The following ZNF407 variants were observed in gnomAD, a reference collection of about 807,000 sequenced individuals.
ZNF407 encodes zinc finger protein 407.
Under a neutral mutation model 131.2 loss-of-function variants are expected in ZNF407, and 17 were observed. That is an observed-to-expected ratio of 0.13 (90% confidence interval 0.09 to 0.19). ZNF407 has a LOEUF of 0.19. Ranked by LOEUF, ZNF407 falls within the 10% of genes least tolerant of loss-of-function variation. The probability of loss-of-function intolerance (pLI) is 1.00; values close to 1 mark genes in which losing one functional copy is unlikely to be tolerated. For missense variants in ZNF407, 2,681 were observed against 2,830.6 expected (o/e 0.95, Z 1.20); for synonymous variants, 1,156 against 1,062.0 (o/e 1.09, Z -1.72).
At chr18:74,861,799 TTTTA>T (rs1970941303) in intron 4 of ZNF407, among the ~76,000 whole-genome samples, 1 of 152,208 alleles carries the variant, frequency 6.6e-6, no homozygotes, top group African/African-American at 2.4e-5. Context: ...TAAAAAATAT[TTTTA>T]TTTCATTATT....
rs186922813 is a variant in ZNF407, at chr18:74,631,231, A to G, written c.212A>G (p.His71Arg). ...GTTATAGGAGAAGACAGAAATAAAC[A>G]TGCTTCCAAACGCAGGAAATTAGAT... ...SVVIGEDRNK[H>R]ASKRRKLDEA... The change falls in exon 2 of 9, where the codon CAT becomes CGT. Residue 71 changes from histidine to arginine, a missense_variant. Transcript: ENST00000299687. 7 of 1,613,996 alleles carry G rather than the reference A, an allele frequency of 4.3e-6. No homozygotes were observed. Among genetic ancestry groups the G allele is most frequent in the Non-Finnish European group, 5.9e-6 (7 of 1,179,882 alleles).
chr18:74,976,896 A>G (rs781406856), intron 8 of ZNF407, among the ~76,000 whole-genome samples: 1 of 145,568 alleles, frequency 6.9e-6, no homozygotes, highest in Non-Finnish European at 1.5e-5. Context: ...CCCCTGATCT[A>G]TGAGGAAAAC....
At chr18:74,834,570 T>G (rs1476508261) in intron 4 of ZNF407, among the ~76,000 whole-genome samples, 1 of 152,204 alleles carries the variant, frequency 6.6e-6, no homozygotes, top group Non-Finnish European at 1.5e-5. Context: ...AGGTCTTTCT[T>G]TGTCTTGCCA....
chr18:74,800,982 A>G (rs1970010363), intron 4 of ZNF407, among the ~76,000 whole-genome samples: 1 of 152,110 alleles, frequency 6.6e-6, no homozygotes, highest in Non-Finnish European at 1.5e-5. Flanking sequence ...ACTCTATAAA[A>G]TGTTTCAAAG....
At chr18:74,833,375 C>T (rs867335411) in intron 4 of ZNF407, among the ~76,000 whole-genome samples, 10 of 152,208 alleles carry the variant, frequency 6.6e-5, no homozygotes, top group Non-Finnish European at 8.8e-5. Flanking sequence ...GAGGTAATTT[C>T]ACTTAATCAA....
Position 74,631,958 on chromosome 18 carries a change from G to A in ZNF407, c.939G>A (p.Lys313=). The change falls in exon 2 of 9, where the codon AAG becomes AAA. Residue 313 remains lysine (K), a synonymous_variant. Transcript: ENST00000299687. ...CAAGAACTTCTAAATCAATAGCAAA[G>A]AATAGTGATTCAAAAGGATTACGAA... is the stretch of plus-strand genomic sequence containing the variant. The part of the protein sequence containing the change: ...SKPRTSKSIA[K]NSDSKGLRNV... 6.2e-7 allele frequency: 1 copy of A among 1,613,932 alleles called. No individual in the cohort carries two copies. Among genetic ancestry groups the A allele is most frequent in the Non-Finnish European group, 8.5e-7 (1 of 1,179,882 alleles).
intron 4 of ZNF407, among the ~76,000 whole-genome samples, chr18:74,790,307 G>A (rs898675257): frequency 4.6e-5 from 7 of 152,052 alleles, no homozygotes; most frequent in African/African-American, 7.2e-5. Context: ...AGATAAAACC[G>A]AATTCTGTAG....
intron 4 of ZNF407, among the ~76,000 whole-genome samples, chr18:74,823,187 G>A (rs901669910): frequency 2.6e-5 from 4 of 152,152 alleles, no homozygotes; most frequent in African/African-American, 7.2e-5. Context: ...CACCAGGGCT[G>A]CCTTACAAGA....
intron 3 of ZNF407, among the ~76,000 whole-genome samples, chr18:74,679,252 G>A (rs186135352): frequency 5.8e-4 from 89 of 152,368 alleles, no homozygotes; most frequent in Non-Finnish European, 1.1e-3. Context: ...AAAAGTTTCA[G>A]TGGCATAGTC....
chr18:74,812,893 A>G (rs531607690), intron 4 of ZNF407, among the ~76,000 whole-genome samples: 4 of 152,108 alleles, frequency 2.6e-5, no homozygotes, highest in African/African-American at 9.6e-5. Flanking sequence ...GATGAAAGAT[A>G]TTTTGTTATT....
chr18:74,617,063 AT>A (rs1983335334), intron 1 of ZNF407, among the ~76,000 whole-genome samples: 2 of 66,176 alleles, frequency 3.0e-5, no homozygotes, highest in Admixed American at 2.0e-4. Context: ...ATCCACACAC[AT>A]CCATATCCAC....
intron 6 of ZNF407, among the ~76,000 whole-genome samples, chr18:74,888,563 TA>T (rs1971342663): frequency 1.3e-5 from 2 of 152,242 alleles, no homozygotes; most frequent in African/African-American, 4.8e-5. Context: ...TTAGATTTGA[TA>T]AAAGTTACAC....
Position 74,633,663 on chromosome 18 carries a change from A to C in ZNF407, c.2644A>C (p.Lys882Gln), listed in dbSNP as rs543829051. 16 of 1,614,036 alleles carry C rather than the reference A, an allele frequency of 9.9e-6. No homozygotes were observed. In the South Asian group the frequency reaches 1.6e-4, roughly 17 times the overall value. ...CAGTCACCAGTATAGTTATTTATGC[A>C]AAGTGTGTAAGTATTACACTGTAAC... is the stretch of plus-strand genomic sequence containing the variant. ...KHSHQYSYLCKVCKYYTVTKG... is the reference protein window; with the variant it reads ...KHSHQYSYLCQVCKYYTVTKG... The change falls in exon 2 of 9, where the codon AAA (lysine) becomes CAA (glutamine). Residue 882 changes from lysine (K) to glutamine (Q), a missense_variant. This residue lies in a region of ZNF407 where 1,789 missense variants were observed against 1,748.7 expected (regional missense o/e 1.02). Transcript: ENST00000299687.
intron 8 of ZNF407, among the ~76,000 whole-genome samples, chr18:74,984,934 T>G (rs1158618900): frequency 2.0e-5 from 3 of 152,244 alleles, no homozygotes; most frequent in Non-Finnish European, 4.4e-5. Context: ...TGTTCATTTA[T>G]TTTTAACTCT....
At chr18:75,044,352 A>C (rs2122246500) in intron 8 of ZNF407, among the ~76,000 whole-genome samples, 1 of 151,860 alleles carries the variant, frequency 6.6e-6, no homozygotes, top group Admixed American at 6.6e-5. Context: ...AAAAAAAAAA[A>C]CAGGTTTTTG....
At chr18:74,789,650 G>A (rs533949547) in intron 4 of ZNF407, among the ~76,000 whole-genome samples, 4 of 152,132 alleles carry the variant, frequency 2.6e-5, no homozygotes, top group African/African-American at 4.8e-5. Context: ...CAGGGAAAGA[G>A]CCTGGGCTGG....
chr18:75,023,334 A>G (rs1973133869), intron 8 of ZNF407, among the ~76,000 whole-genome samples: 1 of 152,186 alleles, frequency 6.6e-6, no homozygotes, highest in South Asian at 2.1e-4. Flanking sequence ...ATTAATAAAA[A>G]GCCTTGAATT....
chr18:74,695,340 G>A (rs1040709768), intron 3 of ZNF407, among the ~76,000 whole-genome samples: 5 of 152,104 alleles, frequency 3.3e-5, no homozygotes, highest in East Asian at 1.9e-4. Context: ...ACCCTGCTTC[G>A]TTCTTCTCGT....
intron 2 of ZNF407, among the ~76,000 whole-genome samples, chr18:74,637,370 T>C (rs1984510371): frequency 6.6e-6 from 1 of 152,236 alleles, no homozygotes; most frequent in Non-Finnish European, 1.5e-5. Context: ...CTTGACTATA[T>C]GTATTAATTG....
Sources: gnomAD v4.1 joint callset for allele counts (sites outside exome capture counted in the v4.1 genomes callset) on GRCh38, gnomAD v4.1.1 for gene constraint, gnomAD v4.1.1 regional missense constraint, MANE v1.5 for transcripts, NCBI Gene and HGNC (gene_info 2026-07-23, HGNC 2026-07-21) for gene names.